ASXL2: variants seen among roughly 807,000 people sequenced by gnomAD.
The protein encoded by ASXL2 is ASXL transcriptional regulator 2, also known as putative Polycomb group protein ASXL2.
ASXL2 carries 23 observed loss-of-function variants against 122.0 expected under a neutral mutation model. The observed-to-expected ratio is 0.19, with a 90% CI of 0.14 to 0.27. The LOEUF is 0.27. Ranked by LOEUF, ASXL2 falls within the 10% of genes least tolerant of loss-of-function variation. ASXL2 has a pLI of 1.00. For synonymous variants in ASXL2, 650 were observed against 637.0 expected (o/e 1.02, Z -0.31); for missense variants, 1,518 against 1,713.8 (o/e 0.89, Z 2.02).
At chr2:25,870,455 C>T (rs2089954376) in intron 1 of ASXL2, among the ~76,000 whole-genome samples, 1 of 152,088 alleles carries the variant, frequency 6.6e-6, no homozygotes. Flanking sequence ...ACCCAGGAGG[C>T]GGAGGTTGCA....
At chr2:25,774,234 T>G (rs963667457) in intron 5 of ASXL2, among the ~76,000 whole-genome samples, 1 of 151,902 alleles carries the variant, frequency 6.6e-6, no homozygotes, top group Non-Finnish European at 1.5e-5. Context: ...ACAAACAACC[T>G]GCACATGTAC....
chr2:25,767,188 G>T (rs1241106590), intron 8 of ASXL2, among the ~76,000 whole-genome samples: 2 of 152,080 alleles, frequency 1.3e-5, no homozygotes, highest in African/African-American at 4.8e-5. Flanking sequence ...TTAATCATAC[G>T]CCCTTCTATC....
intron 1 of ASXL2, among the ~76,000 whole-genome samples, chr2:25,874,620 T>C (rs1477107310): frequency 3.9e-5 from 6 of 152,190 alleles, no homozygotes. Flanking sequence ...GACTGCACTT[T>C]AGCCTTGGTG....
chr2:25,749,810 C>T lies in ASXL2; in HGVS notation c.1746G>A (p.Glu582=), dbSNP rs751865037. The change falls in exon 12 of 13, where the codon GAG becomes GAA. Residue 582 remains glutamate (E), a synonymous_variant. Transcript: ENST00000435504. ...GATTCTCAGTGACACGTGGCCTCTT[C>T]TCCCAGCTCACAGGGGCCTCTTCTT... is the stretch of plus-strand genomic sequence containing the variant. ...LTQEEAPVSW[E]KRPRVTENRQ... is the part of the protein sequence containing the mutation. The T allele has an allele frequency of 1.2e-6, 2 of 1,610,330 alleles. No individual in the cohort carries two copies. Among genetic ancestry groups the T allele is most frequent in the Non-Finnish European group, 1.7e-6 (2 of 1,178,878 alleles).
At chr2:25,834,186 C>A (rs2089483382) in intron 3 of ASXL2, among the ~76,000 whole-genome samples, 1 of 152,002 alleles carries the variant, frequency 6.6e-6, no homozygotes, top group Admixed American at 6.6e-5. Context: ...AACCCCGTCT[C>A]TACTAAAAAT....
intron 4 of ASXL2, among the ~76,000 whole-genome samples, chr2:25,804,505 G>A (rs540304228): frequency 1.3e-5 from 2 of 152,352 alleles, no homozygotes; most frequent in East Asian, 3.9e-4. Context: ...AGCTTGCAGA[G>A]TGCAGGTTGG....
chr2:25,763,961 T>C (rs1559504140), intron 8 of ASXL2, among the ~76,000 whole-genome samples: 1 of 152,224 alleles, frequency 6.6e-6, no homozygotes, highest in Admixed American at 6.5e-5. Context: ...AAAATCCCTA[T>C]ATATTTGGAA....
At chr2:25,868,673 A>T (rs996952047) in intron 1 of ASXL2, among the ~76,000 whole-genome samples, 3 of 152,224 alleles carry the variant, frequency 2.0e-5, no homozygotes, top group African/African-American at 7.2e-5. Flanking sequence ...ATACTCAACC[A>T]GTTTTCATGG....
rs1406090094 is a variant in ASXL2 at position 25,798,213 on chromosome 2, T to C, written c.403+1172A>G. On this transcript the variant is annotated intron_variant, in intron 5 of 12. Transcript: ENST00000435504. Reference sequence around the variant, plus strand: ...GAGGGAGAGAATCAGGAAAAATAACTAGTGGGTACTAGGCTTAATTCCTGG... The same window carrying C: ...GAGGGAGAGAATCAGGAAAAATAACCAGTGGGTACTAGGCTTAATTCCTGG... Among the ~76,000 whole-genome samples, 4 of 152,098 alleles carry C rather than the reference T, an allele frequency of 2.6e-5. No individual in the cohort carries two copies. In the East Asian group the frequency reaches 5.8e-4, roughly 22 times the overall value.
intron 4 of ASXL2, among the ~76,000 whole-genome samples, chr2:25,800,131 A>C (rs2088973556): frequency 6.6e-6 from 1 of 150,774 alleles, no homozygotes; most frequent in African/African-American, 2.4e-5. Context: ...CCACCTCTAC[A>C]AAAAAAAATA....
intron 4 of ASXL2, among the ~76,000 whole-genome samples, chr2:25,800,415 A>G (rs2088978224): frequency 6.6e-6 from 1 of 152,178 alleles, no homozygotes. Context: ...GAGATAGTGC[A>G]TTATTTGAAT....
chr2:25,754,541 T>C (rs1368446298), intron 10 of ASXL2, among the ~76,000 whole-genome samples: 1 of 152,160 alleles, frequency 6.6e-6, no homozygotes, highest in Non-Finnish European at 1.5e-5. Flanking sequence ...CCAGAACTCC[T>C]GCTATTGAGT....
At chr2:25,790,447 A>G (rs1167227141) in intron 5 of ASXL2, among the ~76,000 whole-genome samples, 1 of 151,954 alleles carries the variant, frequency 6.6e-6, no homozygotes, top group African/African-American at 2.4e-5. Flanking sequence ...AAAAGGAAAA[A>G]AATTAAAGCT....
At chr2:25,851,274 C>T (rs2089714096) in intron 1 of ASXL2, among the ~76,000 whole-genome samples, 1 of 152,070 alleles carries the variant, frequency 6.6e-6, no homozygotes, top group Non-Finnish European at 1.5e-5. Context: ...GTTTCAAATA[C>T]CACTATTAAT....
intron 1 of ASXL2, among the ~76,000 whole-genome samples, 167 bp from the exon 2 acceptor site, chr2:25,845,730 C>T (rs779179711): frequency 6.6e-6 from 1 of 152,178 alleles, no homozygotes; most frequent in Non-Finnish European, 1.5e-5. Flanking sequence ...CATCCCTTCA[C>T]TACCTGTGAC....
chr2:25,842,623 G>C (rs1161387747), intron 2 of ASXL2, among the ~76,000 whole-genome samples: 3 of 151,788 alleles, frequency 2.0e-5, no homozygotes, highest in African/African-American at 7.3e-5. Flanking sequence ...AAAGTGCTGG[G>C]ATTACAGGCA....
chr2:25,878,030 T>G, intron 1 of ASXL2, 136 bp downstream of exon 1: 1 of 1,111,502 alleles, frequency 9.0e-7, no homozygotes. Flanking sequence ...ACCCCGACAC[T>G]AACCGCCGCC....
At chr2:25,765,650 A>T (rs2088335215) in intron 8 of ASXL2, among the ~76,000 whole-genome samples, 1 of 152,120 alleles carries the variant, frequency 6.6e-6, no homozygotes, top group Non-Finnish European at 1.5e-5. Flanking sequence ...TTTTATGGTT[A>T]ATTTTTCCTA....
At chr2:25,833,915 T>A (rs2089481362) in intron 3 of ASXL2, among the ~76,000 whole-genome samples, 1 of 152,170 alleles carries the variant, frequency 6.6e-6, no homozygotes. Flanking sequence ...ATCTACCTGA[T>A]CTCTGAAGCT....
Sources: allele counts gnomAD v4.1 joint callset (sites outside exome capture counted in the v4.1 genomes callset), GRCh38; gene constraint gnomAD v4.1.1; transcripts MANE v1.5; gene names NCBI Gene and HGNC (gene_info 2026-07-23, HGNC 2026-07-21).